Variants in BMERB1 observed in about 807,000 individuals in gnomAD.
BMERB1 encodes bMERB domain-containing protein 1.
A neutral mutation model predicts 23.6 loss-of-function variants in BMERB1; 12 were observed. The ratio of observed to expected loss-of-function variants is 0.51; its 90% CI spans 0.33 to 0.82. BMERB1 has a LOEUF of 0.82. Among genes scored for constraint, BMERB1 ranks in the 40% least tolerant of loss-of-function variants. The probability of loss-of-function intolerance (pLI) is 0.03; values close to 1 mark genes in which losing one functional copy is unlikely to be tolerated. For synonymous variants in BMERB1, 122 were observed against 96.6 expected, an observed-to-expected ratio of 1.26 and a Z score of -1.54; for missense variants, 247 against 255.4, an observed-to-expected ratio of 0.97 and a Z score of 0.22.
At chr16:15,556,567 A>G (rs1404661167) in intron 2 of BMERB1, among the ~76,000 whole-genome samples, 1 of 152,000 alleles carries the variant, frequency 6.6e-6, no homozygotes, top group Non-Finnish European at 1.5e-5. Context: ...TAAACCCCTC[A>G]TCTTATTTAT....
intron 2 of BMERB1, among the ~76,000 whole-genome samples, chr16:15,555,185 C>G (rs1157308681): frequency 1.3e-5 from 2 of 152,096 alleles, no homozygotes; most frequent in African/African-American, 4.8e-5. Flanking sequence ...AAGTGATCCT[C>G]CTACCTCAGC....
chr16:15,471,307 C>T (rs1295216360), intron 1 of BMERB1, among the ~76,000 whole-genome samples: 1 of 152,140 alleles, frequency 6.6e-6, no homozygotes, highest in Non-Finnish European at 1.5e-5. Context: ...TGAAAGCTCA[C>T]AAAGAGAAAT....
intron 1 of BMERB1, among the ~76,000 whole-genome samples, chr16:15,452,785 G>A (rs1448264619): frequency 1.3e-5 from 2 of 152,130 alleles, no homozygotes; most frequent in African/African-American, 4.8e-5. Context: ...CTTAGCCTAA[G>A]TGTATCGGAC....
At chr16:15,447,416 C>T (rs2050999640) in intron 1 of BMERB1, among the ~76,000 whole-genome samples, 1 of 152,142 alleles carries the variant, frequency 6.6e-6, no homozygotes, top group Non-Finnish European at 1.5e-5. Context: ...AAACCGCCCC[C>T]ATGATCCAAT....
intron 1 of BMERB1, among the ~76,000 whole-genome samples, chr16:15,489,987 C>A (rs927440750): frequency 2.6e-5 from 4 of 152,110 alleles, no homozygotes; most frequent in Admixed American, 2.6e-4. Context: ...CTGCCTCAGC[C>A]TTCCGAGTAG....
intron 1 of BMERB1, among the ~76,000 whole-genome samples, chr16:15,509,486 C>T (rs909611648): frequency 1.3e-5 from 2 of 152,118 alleles, no homozygotes; most frequent in African/African-American, 4.8e-5. Context: ...AGAAAGCCTC[C>T]AGCACAGGTA....
chr16:15,499,121 T>C (rs2051502296), intron 1 of BMERB1, among the ~76,000 whole-genome samples: 1 of 152,218 alleles, frequency 6.6e-6, no homozygotes, highest in Admixed American at 6.5e-5. Flanking sequence ...AAATGGGCTA[T>C]CTTAGTTTCT....
intron 2 of BMERB1, among the ~76,000 whole-genome samples, chr16:15,521,769 C>T (rs1321295208): frequency 2.6e-5 from 4 of 152,114 alleles, no homozygotes; most frequent in African/African-American, 7.2e-5. Flanking sequence ...AAACTGCCTC[C>T]GGAAAACAGG....
At chr16:15,569,876 C>T (rs372970543) in intron 3 of BMERB1, among the ~76,000 whole-genome samples, 1 of 152,144 alleles carries the variant, frequency 6.6e-6, no homozygotes, top group African/African-American at 2.4e-5. Context: ...AATTCAGCCT[C>T]CTCCCATCCT....
intron 3 of BMERB1, among the ~76,000 whole-genome samples, chr16:15,572,775 G>C (rs1485495196): frequency 1.3e-5 from 2 of 152,118 alleles, no homozygotes; most frequent in Non-Finnish European, 2.9e-5. Flanking sequence ...TTGAATTGTA[G>C]CTCCTATAAT....
intron 2 of BMERB1, 101 bp from the exon 3 acceptor site, chr16:15,567,882 G>C (rs1463633759): frequency 1.8e-6 from 2 of 1,122,716 alleles, no homozygotes; most frequent in East Asian, 5.2e-5. Flanking sequence ...CTCTTCAAAA[G>C]ATAACCCACC....
At chr16:15,452,976 A>G (rs2051054793) in intron 1 of BMERB1, among the ~76,000 whole-genome samples, 1 of 152,336 alleles carries the variant, frequency 6.6e-6, no homozygotes, top group Middle Eastern at 3.4e-3. Flanking sequence ...CTAAGGAATG[A>G]CACTGGTTTT....
chr16:15,467,615 G>A (rs2051191752), intron 1 of BMERB1, among the ~76,000 whole-genome samples: 1 of 152,104 alleles, frequency 6.6e-6, no homozygotes, highest in African/African-American at 2.4e-5. Context: ...TGGGTATGTG[G>A]TTTGCAAATA....
rs551675808 is a variant in BMERB1, at chr16:15,506,935, G to GT, written c.107-8369dup. ...TGATGTTGCTGCAACAATTGAGTGAGTGAGTTTGACCAATCACTTATGACC... is the reference window on the plus strand; with the variant it reads ...TGATGTTGCTGCAACAATTGAGTGAGTTGAGTTTGACCAATCACTTATGACC... On this transcript the variant is annotated intron_variant, in intron 1 of 5. Transcript: ENST00000300006. Among the ~76,000 whole-genome samples, 25 of 152,318 alleles carry GT rather than the reference G, an allele frequency of 1.6e-4. 1 individual carries two copies. The East Asian group carries it at 4.4e-3, about 27-fold the overall frequency.
chr16:15,496,995 G>A (rs1191408999), intron 1 of BMERB1, among the ~76,000 whole-genome samples: 1 of 152,234 alleles, frequency 6.6e-6, no homozygotes, highest in Non-Finnish European at 1.5e-5. Flanking sequence ...ATAAGCCAAG[G>A]AATGTAGGTG....
At chr16:15,584,002 C>T (rs1430738771) in intron 5 of BMERB1, 1 of 702,308 alleles carries the variant, frequency 1.4e-6, no homozygotes, top group South Asian at 1.5e-5. Context: ...TCTGGCCTCT[C>T]TTAGGTCTGG....
chr16:15,522,044 G>C (rs1473183609), intron 2 of BMERB1, among the ~76,000 whole-genome samples: 1 of 152,056 alleles, frequency 6.6e-6, no homozygotes, highest in African/African-American at 2.4e-5. Flanking sequence ...TCCACATCTA[G>C]TCTACCAACC....
intron 1 of BMERB1, among the ~76,000 whole-genome samples, chr16:15,442,712 CAT>C (rs1048747199): frequency 8.5e-5 from 13 of 152,086 alleles, no homozygotes; most frequent in Non-Finnish European, 1.9e-4. Context: ...TTATTATTCC[CAT>C]TTAAACATGG....
chr16:15,511,664 C>T (rs968666772), intron 1 of BMERB1, among the ~76,000 whole-genome samples: 2 of 152,106 alleles, frequency 1.3e-5, no homozygotes, highest in Admixed American at 1.3e-4. Flanking sequence ...TTTCCTCTCC[C>T]CATATAATTG....
Sources: gnomAD v4.1 joint callset for allele counts (sites outside exome capture counted in the v4.1 genomes callset) on GRCh38, gnomAD v4.1.1 for gene constraint, MANE v1.5 for transcripts, NCBI Gene and HGNC (gene_info 2026-07-23, HGNC 2026-07-21) for gene names.